Variants in GRIK4 observed in about 807,000 individuals in gnomAD.
GRIK4 encodes the protein glutamate ionotropic receptor kainate type subunit 4.
A neutral mutation model predicts 104.9 loss-of-function variants in GRIK4; 40 were observed. That is an observed-to-expected ratio of 0.38 (90% CI 0.30 to 0.50). GRIK4 has a LOEUF of 0.50. Among genes scored for constraint, GRIK4 ranks in the 20% least tolerant of loss-of-function variants. The pLI is 0.93. For synonymous variants in GRIK4, 485 were observed against 524.9 expected, an observed-to-expected ratio of 0.92 and a Z score of 1.04; for missense variants, 1,047 against 1,308.1, an observed-to-expected ratio of 0.80 and a Z score of 3.08.
chr11:120,844,767 C>T (rs1953810320), intron 8 of GRIK4, among the ~76,000 whole-genome samples: 1 of 152,174 alleles, frequency 6.6e-6, no homozygotes, highest in African/African-American at 2.4e-5. Context: ...TTGAAGTCAA[C>T]GTTGTGCAGG....
At chr11:120,561,587 T>C (rs1948239751) in intron 1 of GRIK4, among the ~76,000 whole-genome samples, 1 of 150,920 alleles carries the variant, frequency 6.6e-6, no homozygotes, top group Non-Finnish European at 1.5e-5. Flanking sequence ...CATGAGAGGG[T>C]CTCATATATA....
At chr11:120,749,462 G>C (rs1212186285) in intron 3 of GRIK4, among the ~76,000 whole-genome samples, 1 of 152,220 alleles carries the variant, frequency 6.6e-6, no homozygotes, top group African/African-American at 2.4e-5. Context: ...TCCTACTTCT[G>C]TCCTTGTGCC....
At chr11:120,785,222 G>A (rs766053236) in intron 3 of GRIK4, among the ~76,000 whole-genome samples, 22 of 152,268 alleles carry the variant, frequency 1.4e-4, no homozygotes, top group Admixed American at 2.6e-4. Context: ...TGGATATCCC[G>A]GGCACTGAAC....
chr11:120,897,262 T>C (rs1673804192), intron 11 of GRIK4, among the ~76,000 whole-genome samples: 1 of 152,094 alleles, frequency 6.6e-6, no homozygotes, highest in South Asian at 2.1e-4. Flanking sequence ...GAGTAAGTTG[T>C]GGATTTTTTT....
At chr11:120,963,997 T>TTATTTA (rs10623083) in intron 18 of GRIK4, among the ~76,000 whole-genome samples, 4,371 of 146,260 alleles carry the variant, frequency 0.03, 118 homozygotes, top group African/African-American at 0.043. Flanking sequence ...ATTTATTTAT[T>TTATTTA]TTTATTTATT....
At chr11:120,926,792 G>C (rs1943354725) in intron 13 of GRIK4, among the ~76,000 whole-genome samples, 1 of 152,196 alleles carries the variant, frequency 6.6e-6, no homozygotes, top group Non-Finnish European at 1.5e-5. Flanking sequence ...GGCAGACAAA[G>C]GTCACTCCTT....
At chr11:120,789,413 G>A (rs1425106568) in intron 3 of GRIK4, among the ~76,000 whole-genome samples, 1 of 151,920 alleles carries the variant, frequency 6.6e-6, no homozygotes, top group Non-Finnish European at 1.5e-5. Flanking sequence ...TTTTGATTCT[G>A]CCCGGTTTAT....
intron 3 of GRIK4, among the ~76,000 whole-genome samples, chr11:120,787,101 T>C (rs1405779528): frequency 1.3e-5 from 2 of 152,136 alleles, no homozygotes; most frequent in African/African-American, 4.8e-5. Flanking sequence ...GAGGATTGCT[T>C]GAGGCCAGGA....
intron 3 of GRIK4, among the ~76,000 whole-genome samples, chr11:120,790,632 G>A (rs557099827): frequency 2.6e-4 from 39 of 152,320 alleles, no homozygotes; most frequent in African/African-American, 9.1e-4. Flanking sequence ...GACATGTTGG[G>A]GCCAGACTGT....
chr11:120,663,785 C>T (rs551678410), intron 3 of GRIK4, among the ~76,000 whole-genome samples: 21 of 152,298 alleles, frequency 1.4e-4, no homozygotes, highest in African/African-American at 4.8e-4. Context: ...AAAACAAATC[C>T]AGCTCCTCCT....
At chr11:120,946,331 G>T (rs1943860024) in intron 14 of GRIK4, among the ~76,000 whole-genome samples, 1 of 152,148 alleles carries the variant, frequency 6.6e-6, no homozygotes, top group Non-Finnish European at 1.5e-5. Flanking sequence ...TAAGTGTTTG[G>T]CCCATAGAAC....
At chr11:120,629,500 C>T (rs1440912195) in intron 1 of GRIK4, among the ~76,000 whole-genome samples, 1 of 152,208 alleles carries the variant, frequency 6.6e-6, no homozygotes, top group East Asian at 1.9e-4. Flanking sequence ...CCACTCTGTC[C>T]TCCTGCCCTC....
At chr11:120,844,784 T>C (rs553953924) in intron 8 of GRIK4, among the ~76,000 whole-genome samples, 6 of 152,298 alleles carry the variant, frequency 3.9e-5, no homozygotes, top group Admixed American at 3.3e-4. Flanking sequence ...CAGGACCATG[T>C]AGGGTGGTTT....
intron 3 of GRIK4, among the ~76,000 whole-genome samples, chr11:120,687,236 C>G (rs905278845): frequency 6.6e-6 from 1 of 152,098 alleles, no homozygotes; most frequent in African/African-American, 2.4e-5. Flanking sequence ...GCTGTCTTAG[C>G]TGGATACAGG....
chr11:120,717,888 A>T (rs188175044), intron 3 of GRIK4, among the ~76,000 whole-genome samples: 3 of 152,098 alleles, frequency 2.0e-5, no homozygotes, highest in Admixed American at 2.0e-4. Context: ...CAGCTGGGGG[A>T]TGGGGAGACC....
At chr11:120,710,935 C>T (rs2135353098) in intron 3 of GRIK4, among the ~76,000 whole-genome samples, 1 of 151,438 alleles carries the variant, frequency 6.6e-6, no homozygotes, top group East Asian at 1.9e-4. Flanking sequence ...CTGTCATTCC[C>T]AGAAGGCAGT....
At chr11:120,694,447 G>A (rs1452530536) in intron 3 of GRIK4, among the ~76,000 whole-genome samples, 1 of 152,162 alleles carries the variant, frequency 6.6e-6, no homozygotes, top group Admixed American at 6.5e-5. Context: ...ATCACACACA[G>A]AATCCCAACA....
chr11:120,874,351 T>C, intron 10 of GRIK4, 133 bp downstream of exon 10: 1 of 683,026 alleles, frequency 1.5e-6, no homozygotes, highest in Non-Finnish European at 2.5e-6. Context: ...GATAAATCAG[T>C]GATCTCTGGT....
chr11:120,534,909 C>T (rs1270735986), intron 1 of GRIK4, among the ~76,000 whole-genome samples: 1 of 152,138 alleles, frequency 6.6e-6, no homozygotes, highest in African/African-American at 2.4e-5. Context: ...CTGGTTTGCC[C>T]AGCTCTGCGG....
Sources: allele counts gnomAD v4.1 joint callset (sites outside exome capture counted in the v4.1 genomes callset), GRCh38; gene constraint gnomAD v4.1.1; transcripts MANE v1.5; gene names NCBI Gene and HGNC (gene_info 2026-07-23, HGNC 2026-07-21).